The following ERBB4 variants were observed in gnomAD, a reference collection of about 807,000 sequenced individuals.
The protein encoded by ERBB4 is erb-b2 receptor tyrosine kinase 4, also known as receptor tyrosine-protein kinase erbB-4.
In ERBB4, 42 loss-of-function variants were observed where a neutral mutation model predicts 158.0. The ratio of observed to expected loss-of-function variants is 0.27; its 90% CI spans 0.21 to 0.34. ERBB4 has a LOEUF of 0.34. Among genes scored for constraint, ERBB4 ranks in the 10% least tolerant of loss-of-function variants. The pLI, the probability that ERBB4 is intolerant of heterozygous loss-of-function variation, is 1.00. For synonymous variants in ERBB4, 583 were observed against 558.7 expected (o/e 1.04, Z -0.61); for missense variants, 1,333 against 1,624.1 (o/e 0.82, Z 3.08).
chr2:212,308,948 C>G (rs2086915458), intron 1 of ERBB4, among the ~76,000 whole-genome samples: 3 of 150,708 alleles, frequency 2.0e-5, no homozygotes, highest in African/African-American at 7.3e-5. Flanking sequence ...AAAAATAACC[C>G]CAGCTGAAGA....
At chr2:212,308,601 A>C (rs1045855036) in intron 1 of ERBB4, among the ~76,000 whole-genome samples, 6 of 150,526 alleles carry the variant, frequency 4.0e-5, no homozygotes, top group African/African-American at 1.5e-4. Context: ...ATTTTGCTAA[A>C]ATATCTTGCC....
intron 25 of ERBB4, among the ~76,000 whole-genome samples, chr2:211,414,255 T>C (rs889371972): frequency 3.9e-5 from 6 of 151,964 alleles, no homozygotes; most frequent in African/African-American, 1.4e-4. Flanking sequence ...CTCAACACTT[T>C]GGGAGGCTGA....
chr2:212,331,769 G>A (rs1449228748), intron 1 of ERBB4, among the ~76,000 whole-genome samples: 1 of 151,870 alleles, frequency 6.6e-6, no homozygotes, highest in Non-Finnish European at 1.5e-5. Context: ...CTCTTTGAGG[G>A]CAAAGATTCA....
At chr2:212,322,008 T>C (rs894425135) in intron 1 of ERBB4, among the ~76,000 whole-genome samples, 1 of 150,510 alleles carries the variant, frequency 6.6e-6, no homozygotes, top group Admixed American at 6.6e-5. Flanking sequence ...GTTGGTACAA[T>C]GCAAGTTTAT....
At chr2:212,528,543 A>G (rs1291404946) in intron 1 of ERBB4, among the ~76,000 whole-genome samples, 2 of 152,186 alleles carry the variant, frequency 1.3e-5, no homozygotes, top group Non-Finnish European at 2.9e-5. Context: ...AAAGTTTCTA[A>G]TATCTCCATT....
intron 1 of ERBB4, among the ~76,000 whole-genome samples, chr2:212,517,324 A>G (rs1002717155): frequency 5.9e-5 from 9 of 152,090 alleles, no homozygotes; most frequent in Non-Finnish European, 1.0e-4. Flanking sequence ...TTGCCCAGAA[A>G]TGGTATTTGT....
Position 211,781,186 on chromosome 2 carries a change from G to T in ERBB4, c.556+6839C>A, listed in dbSNP as rs139441090. Among the ~76,000 whole-genome samples, 312 of 152,210 alleles carry T rather than the reference G, an allele frequency of 2.0e-3. 1 individual carries two copies. The highest frequency in any genetic ancestry group is 6.9e-3 in the African/African-American group (285 of 41,522). Reference sequence around the variant, plus strand: ...GAGGTTTAATTGTACTCTATCTCGAGAATTCTATTTCAAGAAAGCTAGTTA... The same window carrying T: ...GAGGTTTAATTGTACTCTATCTCGATAATTCTATTTCAAGAAAGCTAGTTA... On this transcript the variant is annotated intron_variant, in intron 4 of 27. Transcript: ENST00000342788.
At chr2:211,620,568 T>C (rs1418773066) in intron 18 of ERBB4, among the ~76,000 whole-genome samples, 1 of 152,178 alleles carries the variant, frequency 6.6e-6, no homozygotes, top group Non-Finnish European at 1.5e-5. Flanking sequence ...GCATTCTTCC[T>C]AGGCAGAATG....
intron 25 of ERBB4, among the ~76,000 whole-genome samples, chr2:211,408,711 G>A (rs577666354): frequency 1.3e-5 from 2 of 152,210 alleles, no homozygotes; most frequent in African/African-American, 2.4e-5. Context: ...CTTTGGAGCC[G>A]GAAGACCTGA....
chr2:211,879,617 G>C (rs1426970424), intron 3 of ERBB4, among the ~76,000 whole-genome samples: 1 of 152,152 alleles, frequency 6.6e-6, no homozygotes, highest in Non-Finnish European at 1.5e-5. Context: ...TAATGTGTAT[G>C]AATCTTTCTT....
chr2:211,595,215 GA>G (rs2068595159), intron 19 of ERBB4, among the ~76,000 whole-genome samples: 1 of 152,150 alleles, frequency 6.6e-6, no homozygotes, highest in Non-Finnish European at 1.5e-5. Context: ...AACTTGCCTA[GA>G]AAGCAAACAA....
chr2:212,349,954 C>T (rs781104826), intron 1 of ERBB4, among the ~76,000 whole-genome samples: 29 of 151,898 alleles, frequency 1.9e-4, no homozygotes, highest in Non-Finnish European at 3.7e-4. Context: ...AAGATTTGTC[C>T]TTGAAAAAAA....
intron 20 of ERBB4, among the ~76,000 whole-genome samples, chr2:211,500,150 G>T (rs1418918698): frequency 6.6e-6 from 1 of 152,096 alleles, no homozygotes; most frequent in African/African-American, 2.4e-5. Context: ...ACAGTCGTCT[G>T]CTCTGACCCT....
At chr2:212,263,679 C>T (rs982769123) in intron 1 of ERBB4, among the ~76,000 whole-genome samples, 19 of 151,906 alleles carry the variant, frequency 1.3e-4, no homozygotes, top group Non-Finnish European at 5.9e-5. Context: ...ATGCTTAATA[C>T]ATTTTTCTCT....
intron 20 of ERBB4, among the ~76,000 whole-genome samples, chr2:211,514,798 C>A (rs1378215191): frequency 6.6e-6 from 1 of 152,160 alleles, no homozygotes; most frequent in Non-Finnish European, 1.5e-5. Context: ...ACCAGTTCAA[C>A]ATTCTAATCT....
intron 19 of ERBB4, among the ~76,000 whole-genome samples, chr2:211,613,249 G>A (rs988963738): frequency 2.0e-5 from 3 of 151,984 alleles, no homozygotes; most frequent in Admixed American, 6.6e-5. Flanking sequence ...TTAAGAAGCA[G>A]GAAAGTTGAA....
At chr2:211,754,073 G>C (rs2106219414) in intron 4 of ERBB4, among the ~76,000 whole-genome samples, 1 of 151,968 alleles carries the variant, frequency 6.6e-6, no homozygotes, top group East Asian at 2.0e-4. Context: ...TGTTAGCCAG[G>C]ATGGTCTCGA....
At chr2:211,971,070 G>T (rs1489982845) in intron 2 of ERBB4, among the ~76,000 whole-genome samples, 5 of 152,146 alleles carry the variant, frequency 3.3e-5, no homozygotes, top group African/African-American at 7.2e-5. Flanking sequence ...GGCAGGTCTG[G>T]TGGTAACAAA....
chr2:212,072,160 G>C (rs1425714707), intron 2 of ERBB4, among the ~76,000 whole-genome samples: 1 of 151,948 alleles, frequency 6.6e-6, no homozygotes, highest in Non-Finnish European at 1.5e-5. Flanking sequence ...ACAGTGAATG[G>C]TTGAGTACAG....
Sources: gnomAD v4.1 joint callset for allele counts (sites outside exome capture counted in the v4.1 genomes callset) on GRCh38, gnomAD v4.1.1 for gene constraint, MANE v1.5 for transcripts, NCBI Gene and HGNC (gene_info 2026-07-23, HGNC 2026-07-21) for gene names.